Variants in ZNF283 observed in about 807,000 individuals in gnomAD.
ZNF283 encodes the protein zinc finger protein 283.
ZNF283 carries 10 observed loss-of-function variants against 9.2 expected under a neutral mutation model. The ratio of observed to expected loss-of-function variants is 1.09; its 90% CI spans 0.67 to 1.85. ZNF283 has a LOEUF of 1.85. ZNF283 is among the 40% of genes most tolerant of loss of function. The pLI is 0.00. For synonymous variants in ZNF283, 234 were observed against 244.1 expected (o/e 0.96, Z 0.38); for missense variants, 631 against 760.1 (o/e 0.83, Z 2.00).
Position 43,848,281 on chromosome 19 carries a change from A to T in ZNF283, c.1680A>T (p.Gln560His). 1 of 1,613,166 alleles carries T rather than the reference A, an allele frequency of 6.2e-7. No individual in the cohort carries two copies. The highest frequency in any genetic ancestry group is 8.5e-7 in the Non-Finnish European group (1 of 1,179,734). ...KAFSRGYHLT[Q>H]HQKIHTGEKP... ...TTAGTCGTGGCTATCACCTTACTCA[A>T]CATCAGAAAATTCATACCGGTGAGA... Residue 560 changes from glutamine to histidine, a missense_variant, in exon 7 of 7, where the codon CAA (glutamine) becomes CAT (histidine). Gln to His is a conservative substitution (Grantham distance 24). This residue lies in a region of ZNF283 where 444 missense variants were observed against 522.5 expected (regional missense o/e 0.85). Transcript: ENST00000618787.
intron 6 of ZNF283, 26 bp from the exon 7 acceptor site, chr19:43,846,913 T>A: frequency 1.5e-6 from 2 of 1,351,966 alleles, no homozygotes; most frequent in African/African-American, 1.5e-5. Flanking sequence ...GGAAATAAAA[T>A]GTGTGGTTTT....
At chr19:43,837,405 C>G in intron 6 of ZNF283, 1 of 430,844 alleles carries the variant, frequency 2.3e-6, no homozygotes, top group African/African-American at 2.0e-5. Flanking sequence ...CTGCAATCAC[C>G]TCTCTCCTTT....
At chr19:43,834,565 G>A (rs1199260219) in intron 4 of ZNF283, among the ~76,000 whole-genome samples, 1 of 150,514 alleles carries the variant, frequency 6.6e-6, no homozygotes, top group South Asian at 2.1e-4. Flanking sequence ...AATATATATA[G>A]ATATATAATT....
At chr19:43,839,429 C>T (rs1414502362) in intron 6 of ZNF283, among the ~76,000 whole-genome samples, 1 of 152,020 alleles carries the variant, frequency 6.6e-6, no homozygotes, top group African/African-American at 2.4e-5. Context: ...ATATGAATCT[C>T]TTTATCATGT....
intron 3 of ZNF283, among the ~76,000 whole-genome samples, chr19:43,831,840 G>A (rs181575784): frequency 1.7e-4 from 26 of 152,264 alleles, no homozygotes; most frequent in South Asian, 4.1e-4. Context: ...TGTTGCCCAG[G>A]CTGGTCTTGA....
chr19:43,836,185 C>T (rs770090927), intron 5 of ZNF283, among the ~76,000 whole-genome samples: 2 of 151,958 alleles, frequency 1.3e-5, no homozygotes, highest in African/African-American at 2.4e-5. Flanking sequence ...TGAATTGCAA[C>T]AAATAAAAAT....
rs2146593964 is a variant in ZNF283 at position 43,848,417 on chromosome 19, A to C, written c.1816A>C (p.Lys606Gln). The part of the protein sequence containing the change: ...EKSYECKDCG[K>Q]AFGSGYQLSV... Reference sequence around the variant, plus strand: ...GTCTTATGAATGTAAAGACTGTGGGAAGGCCTTTGGTAGTGGCTATCAACT... The same window carrying C: ...GTCTTATGAATGTAAAGACTGTGGGCAGGCCTTTGGTAGTGGCTATCAACT... The change falls in exon 7 of 7, where the codon AAG (lysine) becomes CAG (glutamine). Residue 606 changes from lysine (K) to glutamine (Q), a missense_variant. Transcript: ENST00000618787. 1 of 1,614,056 alleles carries C rather than the reference A, an allele frequency of 6.2e-7. No homozygotes were observed. The highest frequency in any genetic ancestry group is 1.1e-5 in the South Asian group (1 of 91,072).
Position 43,847,329 on chromosome 19 carries a change from ATTAT to A in ZNF283, c.732_735del (p.Tyr244Ter), listed in dbSNP as rs1175444825. ...TTTGAATGTAAAGAATGTGGGAAGA[ATTAT>A]TTAAGTGCCTATCAACTCAATGTGC... On this transcript the variant is annotated frameshift_variant, in exon 7 of 7. Transcript: ENST00000618787. LOFTEE classifies it low-confidence loss of function (END_TRUNC). 6.2e-7 allele frequency: 1 copy of A among 1,613,734 alleles called. No individual in the cohort carries two copies. The highest frequency in any genetic ancestry group is 1.1e-5 in the South Asian group (1 of 91,060).
rs896728568 is a variant in ZNF283, at chr19:43,850,780, A to G, written c.*2139A>G. ...ATCTTAAAATTGATGGCTTCTTGCA[A>G]CCACTTTCAACCAGGTGCCTGTCAT... On this transcript the variant is annotated 3_prime_UTR_variant, in exon 7 of 7. Coordinates refer to ENST00000618787, the MANE Select transcript of ZNF283 (RefSeq NM_181845.2). The G allele has an allele frequency of 2.6e-5, 4 of 152,202 alleles. No homozygotes were observed. Among genetic ancestry groups the G allele is most frequent in the Non-Finnish European group, 5.9e-5 (4 of 68,040 alleles). 9.4% of individuals were successfully genotyped at this position (152,202 alleles called of 1,614,324 possible). A position where few individuals can be genotyped will look rare whatever the true frequency, so the allele number is the denominator to read the frequency against.
Position 43,848,967 on chromosome 19 carries a change from AAG to A in ZNF283, c.*329_*330del, listed in dbSNP as rs1432151703. 1.6e-5 allele frequency: 3 copies of A among 184,858 alleles called. No individual in the cohort carries two copies. The highest frequency in any genetic ancestry group is 7.1e-5 in the African/African-American group (3 of 42,346). 11.5% of individuals were successfully genotyped at this position (184,858 alleles called of 1,614,324 possible). ...CATCAAATAATTGGTATTTGTTAAA[AAG>A]AGTTTAAATAGGAGGAATGTGGGAA... On this transcript the variant is annotated 3_prime_UTR_variant, in exon 7 of 7. Transcript: ENST00000618787.
Position 43,833,484 on chromosome 19 carries a change from CTTTTT to C in ZNF283, c.1-8_1-4del, listed in dbSNP as rs55882936. The C allele has an allele frequency of 1.7e-4, 24 of 138,006 alleles. No homozygotes were observed. Among genetic ancestry groups the C allele is most frequent in the South Asian group, 4.7e-4 (5 of 10,678 alleles). 8.5% of individuals were successfully genotyped at this position (138,006 alleles called of 1,614,324 possible). A position where few individuals can be genotyped will look rare whatever the true frequency, so the allele number is the denominator to read the frequency against. On this transcript the variant is annotated splice_polypyrimidine_tract_variant and intron_variant, in intron 3 of 6. Transcript: ENST00000618787. ...GTGTTTCTTTCTTCTTTACCTATTTCTTTTTTTTTTTTTTTTTCAGATGGAGTCTC... is the reference window on the plus strand; with the variant it reads ...GTGTTTCTTTCTTCTTTACCTATTTCTTTTTTTTTTTTCAGATGGAGTCTC...
chr19:43,837,219 T>C, intron 6 of ZNF283, 40 bp downstream of exon 6: 1 of 1,532,024 alleles, frequency 6.5e-7, no homozygotes, highest in Admixed American at 2.2e-5. Flanking sequence ...GTCTCCTCTT[T>C]GCATCATCAG....
chr19:43,830,119 G>C (rs1353406881), intron 2 of ZNF283, among the ~76,000 whole-genome samples: 1 of 152,194 alleles, frequency 6.6e-6, no homozygotes, highest in Non-Finnish European at 1.5e-5. Flanking sequence ...CTTTTGCCTA[G>C]GCTGGAGTGC....
At chr19:43,835,195 A>G (rs916860045) in intron 4 of ZNF283, among the ~76,000 whole-genome samples, 2 of 152,168 alleles carry the variant, frequency 1.3e-5, no homozygotes, top group African/African-American at 4.8e-5. Context: ...TCCTGAGCCC[A>G]TGAAGGACGT....
intron 2 of ZNF283, among the ~76,000 whole-genome samples, chr19:43,830,902 A>G (rs955324952): frequency 2.3e-4 from 2 of 8,836 alleles, no homozygotes; most frequent in East Asian, 9.7e-4. Context: ...GACTCCATCT[A>G]AAAAAAAAAA....
At chr19:43,831,866 C>T (rs7343063) in intron 3 of ZNF283, among the ~76,000 whole-genome samples, 15,492 of 152,182 alleles carry the variant, frequency 0.1, 890 homozygotes, top group East Asian at 0.23. Context: ...TGAGCTCAAG[C>T]AATCCGCCTC....
intron 6 of ZNF283, among the ~76,000 whole-genome samples, chr19:43,840,099 A>AT (rs1354492682): frequency 2.0e-5 from 3 of 151,940 alleles, no homozygotes; most frequent in Non-Finnish European, 4.4e-5. Flanking sequence ...GAGCTGTCAG[A>AT]TTTTTTCAAA....
chr19:43,848,648 G>C lies in ZNF283; in HGVS notation c.*7G>C. 1 of 1,531,764 alleles carries C rather than the reference G, an allele frequency of 6.5e-7. No individual in the cohort carries two copies. 94.9% of individuals were successfully genotyped at this position (1,531,764 alleles called of 1,614,324 possible). A position where few individuals can be genotyped will look rare whatever the true frequency, so the allele number is the denominator to read the frequency against. The stretch of plus-strand genomic sequence containing the variant: ...TACTGATGAAACCTTATGATTGAAA[G>C]TTGTAAAAGAATATTTTGTGTGTGT... On this transcript the variant is annotated 3_prime_UTR_variant, in exon 7 of 7. Coordinates refer to ENST00000618787, the MANE Select transcript of ZNF283 (RefSeq NM_181845.2).
intron 2 of ZNF283, among the ~76,000 whole-genome samples, chr19:43,829,850 C>T (rs1039736898): frequency 9.9e-5 from 15 of 152,074 alleles, no homozygotes; most frequent in South Asian, 4.2e-4. Flanking sequence ...GGTGAAACCC[C>T]GTCTCTACTA....
Sources: allele counts gnomAD v4.1 joint callset (sites outside exome capture counted in the v4.1 genomes callset), GRCh38; gene constraint gnomAD v4.1.1; regional missense constraint gnomAD v4.1.1; transcripts MANE v1.5; gene names NCBI Gene and HGNC (gene_info 2026-07-23, HGNC 2026-07-21).